Variants in EYS observed in about 807,000 individuals in gnomAD.
EYS encodes protein eyes shut homolog.
A neutral mutation model predicts 282.1 loss-of-function variants in EYS; 250 were observed. The observed-to-expected ratio is 0.89, with a 90% CI of 0.80 to 0.98. The LOEUF is 0.98. Ranked by LOEUF, EYS falls within the 50% of genes least tolerant of loss-of-function variation. EYS has a pLI of 0.00. For synonymous variants in EYS, 1,355 were observed against 1,282.9 expected, an observed-to-expected ratio of 1.06 and a Z score of -1.20; for missense variants, 4,016 against 3,709.0, an observed-to-expected ratio of 1.08 and a Z score of -2.15.
intron 12 of EYS, among the ~76,000 whole-genome samples, chr6:65,268,113 T>C (rs1011892020): frequency 6.6e-6 from 1 of 151,918 alleles, no homozygotes; most frequent in Non-Finnish European, 1.5e-5. Context: ...GGATATGCAA[T>C]GAATAATTAA....
intron 5 of EYS, among the ~76,000 whole-genome samples, chr6:65,438,259 A>T (rs1002689466): frequency 1.3e-5 from 2 of 151,858 alleles, no homozygotes; most frequent in African/African-American, 4.8e-5. Flanking sequence ...TCTATCATTG[A>T]TGGACATTTG....
Position 63,843,248 on chromosome 6 carries a change from C to T in EYS, c.7228+20938G>A, listed in dbSNP as rs185820399. On this transcript the variant is annotated intron_variant, in intron 36 of 42. Coordinates refer to ENST00000503581, the MANE Select transcript of EYS (RefSeq NM_001142800.2). The stretch of plus-strand genomic sequence containing the variant: ...ATTCTTCCTGTCCATGAGCATGGAA[C>T]GTTTTTCCTTTTGTTTGTGTCCTCT... Among the ~76,000 whole-genome samples the T allele has an allele frequency of 1.8e-3, 273 of 152,140 alleles. 2 individuals carry two copies. Among genetic ancestry groups the T allele is most frequent in the African/African-American group, 6.2e-3 (258 of 41,518 alleles).
intron 16 of EYS, among the ~76,000 whole-genome samples, chr6:64,903,966 A>G (rs931635696): frequency 6.6e-6 from 1 of 152,180 alleles, no homozygotes; most frequent in Middle Eastern, 3.2e-3. Context: ...AGATACAACA[A>G]ATAGAAAACA....
intron 22 of EYS, among the ~76,000 whole-genome samples, chr6:64,810,907 T>C (rs1764572386): frequency 6.6e-6 from 1 of 151,988 alleles, no homozygotes; most frequent in South Asian, 2.1e-4. Context: ...AACAACAAAA[T>C]ATTTTACCAG....
intron 24 of EYS, among the ~76,000 whole-genome samples, chr6:64,600,632 C>G (rs1468731615): frequency 6.6e-6 from 1 of 151,824 alleles, no homozygotes; most frequent in African/African-American, 2.4e-5. Flanking sequence ...TTTGTTATGC[C>G]AAATTGATTT....
intron 26 of EYS, among the ~76,000 whole-genome samples, chr6:64,475,733 T>G (rs1049226162): frequency 2.7e-4 from 1 of 3,660 alleles, no homozygotes; most frequent in African/African-American, 6.6e-4. Context: ...TTTAAAATGG[T>G]AAAAGGAATA....
chr6:64,425,567 T>C (rs1417220119), intron 28 of EYS, among the ~76,000 whole-genome samples: 1 of 147,208 alleles, frequency 6.8e-6, no homozygotes. Context: ...GGCAGGAGAA[T>C]CGCTTGAACC....
intron 14 of EYS, among the ~76,000 whole-genome samples, chr6:64,974,318 C>T (rs1770401506): frequency 6.6e-6 from 1 of 151,726 alleles, no homozygotes; most frequent in African/African-American, 2.4e-5. Context: ...AAAATAAAAG[C>T]CTTCTCATGT....
chr6:64,957,261 G>A (rs1326094483), intron 14 of EYS, among the ~76,000 whole-genome samples: 1 of 152,158 alleles, frequency 6.6e-6, no homozygotes, highest in Non-Finnish European at 1.5e-5. Flanking sequence ...ATGAGATCCT[G>A]TCATTTGCAA....
intron 13 of EYS, among the ~76,000 whole-genome samples, chr6:65,007,635 A>T (rs565468013): frequency 6.6e-6 from 1 of 151,892 alleles, no homozygotes; most frequent in Non-Finnish European, 1.5e-5. Context: ...TGTCCCCCTA[A>T]CTCTTTCCCC....
intron 19 of EYS, among the ~76,000 whole-genome samples, chr6:64,826,843 T>C (rs16895829): frequency 0.032 from 4,892 of 151,624 alleles, 207 homozygotes; most frequent in East Asian, 0.24. Context: ...ATTCTTAATT[T>C]TTTTCATTTC....
intron 1 of EYS, among the ~76,000 whole-genome samples, chr6:65,673,951 A>G: frequency 6.6e-6 from 1 of 151,990 alleles, no homozygotes. Flanking sequence ...CTTGATGTGT[A>G]GGGAAGGGAG....
intron 9 of EYS, among the ~76,000 whole-genome samples, chr6:65,348,038 C>T (rs932036584): frequency 7.3e-5 from 11 of 151,368 alleles, no homozygotes; most frequent in Non-Finnish European, 3.0e-5. Context: ...CTAGTTCCAT[C>T]CATGTTGTTG....
chr6:64,794,422 GT>G (rs1014970955), intron 22 of EYS, among the ~76,000 whole-genome samples: 4 of 152,224 alleles, frequency 2.6e-5, no homozygotes, highest in Middle Eastern at 3.4e-3. Context: ...TCATGATAGA[GT>G]TTTCACAAGA....
rs367777896 is a variant in EYS at position 64,772,086 on chromosome 6, T to C, written c.3443+41292A>G. ...TTCTTTCTTTTTTGGCATTTTCCTGTTATTTTTGACCAACAATTAATTTTA... is the reference window on the plus strand; with the variant it reads ...TTCTTTCTTTTTTGGCATTTTCCTGCTATTTTTGACCAACAATTAATTTTA... On this transcript the variant is annotated intron_variant, in intron 22 of 42. Transcript: ENST00000503581. Among the ~76,000 whole-genome samples, 11 of 151,862 alleles carry C rather than the reference T, an allele frequency of 7.2e-5. No individual in the cohort carries two copies. In the East Asian group the frequency reaches 2.1e-3, roughly 29 times the overall value.
At chr6:65,499,037 A>G (rs1766356061) in intron 2 of EYS, among the ~76,000 whole-genome samples, 1 of 152,052 alleles carries the variant, frequency 6.6e-6, no homozygotes, top group Admixed American at 6.6e-5. Context: ...AATTACAACC[A>G]TAACATCACT....
rs115292685 is a variant in EYS, at chr6:63,777,861, C to T, written c.7898+145G>A. The T allele has an allele frequency of 1.2e-3, 947 of 767,126 alleles. 7 individuals carry two copies. The African/African-American group carries it at 0.015, about 12-fold the overall frequency. The allele number at this position is 767,126 out of a possible 1,614,324, so 47.5% of individuals were successfully genotyped here. A position where few individuals can be genotyped will look rare whatever the true frequency, so the allele number is the denominator to read the frequency against. ...TTTTTAGTTGCCTTCACCTGTCCTC[C>T]CATCATGTAACAAGTCTACATAAGA... On this transcript the variant is annotated intron_variant, in intron 40 of 42. Coordinates refer to ENST00000503581, the MANE Select transcript of EYS (RefSeq NM_001142800.2).
At chr6:64,454,448 T>C (rs1416450671) in intron 26 of EYS, among the ~76,000 whole-genome samples, 1 of 152,150 alleles carries the variant, frequency 6.6e-6, no homozygotes, top group Admixed American at 6.6e-5. Flanking sequence ...TAGAAATTAA[T>C]GTGAATTCCA....
chr6:63,965,861 GT>G (rs1766282232), intron 35 of EYS, among the ~76,000 whole-genome samples: 1 of 152,168 alleles, frequency 6.6e-6, no homozygotes, highest in Non-Finnish European at 1.5e-5. Context: ...ACGAGTGCCA[GT>G]GAAAAGAATC....
Sources: allele counts gnomAD v4.1 joint callset (sites outside exome capture counted in the v4.1 genomes callset), GRCh38; gene constraint gnomAD v4.1.1; transcripts MANE v1.5; gene names NCBI Gene and HGNC (gene_info 2026-07-23, HGNC 2026-07-21).